Variants in SLC4A8 observed in about 807,000 individuals in gnomAD.
SLC4A8 encodes the protein electroneutral sodium bicarbonate exchanger 1.
A neutral mutation model predicts 125.0 loss-of-function variants in SLC4A8; 40 were observed. The observed-to-expected ratio is 0.32, with a 90% CI of 0.25 to 0.42. The LOEUF (loss-of-function observed/expected upper bound fraction) is 0.42. Among genes scored for constraint, SLC4A8 ranks in the 10% least tolerant of loss-of-function variants. The probability of loss-of-function intolerance (pLI) is 1.00; values close to 1 mark genes in which losing one functional copy is unlikely to be tolerated. For synonymous variants in SLC4A8, 456 were observed against 476.0 expected (o/e 0.96, Z 0.55); for missense variants, 863 against 1,355.1 (o/e 0.64, Z 5.70).
intron 19 of SLC4A8, among the ~76,000 whole-genome samples, chr12:51,492,720 C>T (rs750084942): frequency 3.3e-5 from 5 of 152,068 alleles, no homozygotes; most frequent in East Asian, 1.9e-4. Context: ...ATGTGCAAAA[C>T]GTGCAGGTTT....
chr12:51,444,643 A>C (rs1042512931), intron 2 of SLC4A8, among the ~76,000 whole-genome samples: 6 of 152,204 alleles, frequency 3.9e-5, no homozygotes, highest in Admixed American at 2.6e-4. Flanking sequence ...CCCTTTCTGC[A>C]GTAATAAGTC....
chr12:51,429,723 G>T (rs1949122685), intron 1 of SLC4A8, among the ~76,000 whole-genome samples: 1 of 151,524 alleles, frequency 6.6e-6, no homozygotes, highest in Non-Finnish European at 1.5e-5. Context: ...TGCCTGGGCT[G>T]GTCTTGAATC....
chr12:51,406,224 T>C (rs548549217), intron 1 of SLC4A8, among the ~76,000 whole-genome samples: 91 of 152,332 alleles, frequency 6.0e-4, no homozygotes, highest in Non-Finnish European at 1.2e-3. Context: ...TTTTGTCTAA[T>C]GAGGGAGATC....
intron 16 of SLC4A8, among the ~76,000 whole-genome samples, chr12:51,479,449 G>C (rs1217262589): frequency 6.6e-6 from 1 of 152,090 alleles, no homozygotes; most frequent in Admixed American, 6.5e-5. Context: ...CACTTTGGGA[G>C]GCCAAGGTGG....
In SLC4A8 at chr12:51,488,580, T is replaced by A. The variant is rs1159257724; in HGVS notation, c.2287-119T>A. The A allele has an allele frequency of 4.0e-6, 3 of 747,872 alleles. No homozygotes were observed. The African/African-American group carries it at 5.3e-5, about 13-fold the overall frequency. The allele number at this position is 747,872 out of a possible 1,614,324, so 46.3% of individuals were successfully genotyped here. A position where few individuals can be genotyped will look rare whatever the true frequency, so the allele number is the denominator to read the frequency against. On this transcript the variant is annotated intron_variant, in intron 17 of 24. Coordinates refer to ENST00000453097, the MANE Select transcript of SLC4A8 (RefSeq NM_001039960.3). ...TTGCTGTATTTCATGCCTTTTTTTT[T>A]TTTTTTTAAGAACCTCACTCAAGAA... is the stretch of plus-strand genomic sequence containing the variant.
Position 51,474,327 on chromosome 12 carries a change from A to C in SLC4A8, c.1905-15A>C, listed in dbSNP as rs113123998. 8.6e-6 allele frequency: 13 copies of C among 1,519,130 alleles called. No individual in the cohort carries two copies. The Admixed American group carries it at 2.2e-4, about 26-fold the overall frequency. The allele number at this position is 1,519,130 out of a possible 1,614,324, so 94.1% of individuals were successfully genotyped here. A position where few individuals can be genotyped will look rare whatever the true frequency, so the allele number is the denominator to read the frequency against. On this transcript the variant is annotated splice_polypyrimidine_tract_variant and intron_variant, in intron 14 of 24. Transcript: ENST00000453097. The stretch of plus-strand genomic sequence containing the variant: ...GGCTGTTTTCCTCAGGAATCTTTTT[A>C]ATTTTTCCCCTCAGCTGCAGGTGTA...
At chr12:51,487,231 G>A (rs1050593535) in intron 17 of SLC4A8, among the ~76,000 whole-genome samples, 2 of 152,090 alleles carry the variant, frequency 1.3e-5, no homozygotes, top group Non-Finnish European at 1.5e-5. Flanking sequence ...TCTTCTTTTT[G>A]TCTCTCCCTA....
At chr12:51,505,799 A>C (rs373649596) in intron 23 of SLC4A8, 36 bp from the exon 24 acceptor site, 1 of 922,926 alleles carries the variant, frequency 1.1e-6, no homozygotes, top group African/African-American at 1.6e-5. Context: ...TTTTACTTGT[A>C]TGTCTGACAT....
intron 1 of SLC4A8, among the ~76,000 whole-genome samples, chr12:51,427,648 A>T (rs1306973034): frequency 6.6e-6 from 1 of 152,180 alleles, no homozygotes; most frequent in Non-Finnish European, 1.5e-5. Flanking sequence ...ATGACCAATT[A>T]AACCTTCTAT....
chr12:51,398,054 G>T (rs146369312), intron 1 of SLC4A8, among the ~76,000 whole-genome samples: 58 of 152,228 alleles, frequency 3.8e-4, no homozygotes, highest in African/African-American at 1.4e-3. Flanking sequence ...GATTAAATCC[G>T]TGAGCCACTG....
At chr12:51,480,144 T>G in intron 16 of SLC4A8, 2 of 493,798 alleles carry the variant, frequency 4.1e-6, no homozygotes, top group Non-Finnish European at 6.7e-6. Flanking sequence ...TTTCCCCATG[T>G]TGGCCAGGAT....
intron 22 of SLC4A8, among the ~76,000 whole-genome samples, 177 bp from the exon 23 acceptor site, chr12:51,503,852 T>C (rs74986302): frequency 0.014 from 2,160 of 152,296 alleles, 55 homozygotes; most frequent in African/African-American, 0.049. Flanking sequence ...CCATTCCACA[T>C]GTATAAATAT....
At chr12:51,439,116 G>T (rs1949510623) in intron 1 of SLC4A8, among the ~76,000 whole-genome samples, 3 of 152,058 alleles carry the variant, frequency 2.0e-5, no homozygotes. Flanking sequence ...GAGTACAATG[G>T]TGCGATCTCA....
intron 22 of SLC4A8, among the ~76,000 whole-genome samples, chr12:51,503,020 T>C (rs1342741666): frequency 6.6e-6 from 1 of 150,710 alleles, no homozygotes; most frequent in Non-Finnish European, 1.5e-5. Flanking sequence ...TTTTTGTATT[T>C]TTAGTAGAGA....
intron 1 of SLC4A8, among the ~76,000 whole-genome samples, chr12:51,406,948 T>G (rs1364207766): frequency 1.3e-5 from 2 of 152,366 alleles, no homozygotes; most frequent in South Asian, 2.1e-4. Context: ...GAGTGATATC[T>G]TATCCTGGGG....
In SLC4A8 at chr12:51,458,636, G is replaced by A; in HGVS notation, c.841G>A (p.Val281Met). Reference protein sequence around the residue: ...KNGVNCEHSPVDLSKVDLHFM... With the variant: ...KNGVNCEHSPMDLSKVDLHFM... ...TGGAGTGAATTGTGAACATAGTCCT[G>A]TGGATTTAAGCAAGGTGAGCAGAGT... is the stretch of plus-strand genomic sequence containing the variant. Residue 281 changes from valine (V) to methionine (M), a missense_variant, in exon 7 of 25, where the codon GTG (valine) becomes ATG (methionine). Val to Met is a conservative substitution (Grantham distance 21). Coordinates refer to ENST00000453097, the MANE Select transcript of SLC4A8 (RefSeq NM_001039960.3). 1 of 1,613,132 alleles carries A rather than the reference G, an allele frequency of 6.2e-7. No individual in the cohort carries two copies. The highest frequency in any genetic ancestry group is 8.5e-7 in the Non-Finnish European group (1 of 1,179,072).
At chr12:51,470,994 G>A (rs939868598) in intron 13 of SLC4A8, among the ~76,000 whole-genome samples, 1 of 151,882 alleles carries the variant, frequency 6.6e-6, no homozygotes, top group African/African-American at 2.4e-5. Context: ...ACTATGGCCA[G>A]CCCCTTTTTT....
rs1425443209 is a variant in SLC4A8 at position 51,510,667 on chromosome 12, C to T, written c.*3229C>T. ...CTGACATCAGACTCAACTTTGTCCC[C>T]TCTCTTTCTTTTCATGCAAGAGACT... On this transcript the variant is annotated 3_prime_UTR_variant, in exon 25 of 25. Coordinates refer to ENST00000453097, the MANE Select transcript of SLC4A8 (RefSeq NM_001039960.3). 1 of 152,182 alleles carries T rather than the reference C, an allele frequency of 6.6e-6. No homozygotes were observed. The highest frequency in any genetic ancestry group is 6.5e-5 in the Admixed American group (1 of 15,278). The allele number at this position is 152,182 out of a possible 1,614,324, so 9.4% of individuals were successfully genotyped here.
At chr12:51,504,392 G>C (rs567807397) in intron 23 of SLC4A8, among the ~76,000 whole-genome samples, 138 of 152,328 alleles carry the variant, frequency 9.1e-4, no homozygotes, top group Non-Finnish European at 1.7e-3. Flanking sequence ...TTGTGCTAGA[G>C]GGTTTACTTA....
Sources: allele counts gnomAD v4.1 joint callset (sites outside exome capture counted in the v4.1 genomes callset), GRCh38; gene constraint gnomAD v4.1.1; transcripts MANE v1.5; gene names NCBI Gene and HGNC (gene_info 2026-07-23, HGNC 2026-07-21).